Variants in CATSPER3 observed in about 807,000 individuals in gnomAD.
CATSPER3 encodes the protein cation channel sperm associated 3.
A neutral mutation model predicts 36.6 loss-of-function variants in CATSPER3; 23 were observed. That is an observed-to-expected ratio of 0.63 (90% CI 0.45 to 0.89). CATSPER3 has a LOEUF of 0.89. Among genes scored for constraint, CATSPER3 ranks in the 40% least tolerant of loss-of-function variants. The pLI is 0.00. For missense variants in CATSPER3, 474 were observed against 503.9 expected (o/e 0.94, Z 0.57); for synonymous variants, 172 against 184.1 (o/e 0.93, Z 0.53).
intron 2 of CATSPER3, among the ~76,000 whole-genome samples, chr5:134,977,675 C>G (rs563524896): frequency 6.6e-6 from 1 of 152,272 alleles, no homozygotes; most frequent in Admixed American, 6.5e-5. Flanking sequence ...TTTTCAGGTA[C>G]CTTTATATCG....
chr5:135,009,427 G>T lies in CATSPER3; in HGVS notation c.873G>T (p.Met291Ile). 1 of 1,612,786 alleles carries T rather than the reference G, an allele frequency of 6.2e-7. No individual in the cohort carries two copies. The highest frequency in any genetic ancestry group is 8.5e-7 in the Non-Finnish European group (1 of 1,179,050). ...ELMLEQQEMLMGEKQVILQRQ... is the reference protein window; with the variant it reads ...ELMLEQQEMLIGEKQVILQRQ... ...TGTTGGAGCAGCAGGAGATGCTCAT[G>T]GGAGAGAAGCAGGTGATTCTGCAGC... is the stretch of plus-strand genomic sequence containing the variant. The change falls in exon 6 of 8, where the codon ATG becomes ATT. Residue 291 changes from methionine to isoleucine, a missense_variant. By Grantham distance (10) the Met-to-Ile change is conservative. Transcript: ENST00000282611.
intron 1 of CATSPER3, chr5:134,968,750 T>C (rs570059407): frequency 7.0e-4 from 107 of 151,824 alleles, no homozygotes; most frequent in African/African-American, 2.4e-3. Flanking sequence ...TTTTAACTTA[T>C]GAGAATGTGT....
At chr5:135,007,877 C>G in intron 3 of CATSPER3, 80 bp from the exon 4 acceptor site, 1 of 963,604 alleles carries the variant, frequency 1.0e-6, no homozygotes. Context: ...CAGCTGTGAA[C>G]TGGGCAGAAT....
chr5:135,009,388 T>G lies in CATSPER3; in HGVS notation c.834T>G (p.Phe278Leu), dbSNP rs1752147923. 6.2e-7 allele frequency: 1 copy of G among 1,613,484 alleles called. No homozygotes were observed. The highest frequency in any genetic ancestry group is 1.7e-5 in the Admixed American group (1 of 60,010). Residue 278 changes from phenylalanine to leucine, a missense_variant, in exon 6 of 8, where the codon TTT becomes TTG. Coordinates refer to ENST00000282611, the MANE Select transcript of CATSPER3 (RefSeq NM_178019.3). ...IMHTEDSIRK[F>L]ERELMLEQQE... is the part of the protein sequence containing the mutation. ...CTCTCTAGGACTCCATCAGAAAGTTTGAGCGAGAGCTGATGTTGGAGCAGC... is the reference window on the plus strand; with the variant it reads ...CTCTCTAGGACTCCATCAGAAAGTTGGAGCGAGAGCTGATGTTGGAGCAGC...
intron 3 of CATSPER3, among the ~76,000 whole-genome samples, chr5:135,001,650 A>G (rs1352157209): frequency 3.9e-5 from 6 of 152,156 alleles, no homozygotes; most frequent in Non-Finnish European, 8.8e-5. Flanking sequence ...GTGCTCCTGT[A>G]TTGGGTGCAT....
At chr5:134,983,847 A>AG (rs1009793168) in intron 2 of CATSPER3, among the ~76,000 whole-genome samples, 41 of 152,242 alleles carry the variant, frequency 2.7e-4, no homozygotes, top group African/African-American at 9.4e-4. Flanking sequence ...CTAAGCAAAA[A>AG]GAAAAAGTCT....
At chr5:135,005,117 G>A (rs1262005241) in intron 3 of CATSPER3, among the ~76,000 whole-genome samples, 1 of 152,144 alleles carries the variant, frequency 6.6e-6, no homozygotes, top group Non-Finnish European at 1.5e-5. Flanking sequence ...TGGAAGAAAG[G>A]GGCATTGACC....
At chr5:135,011,104 C>A (rs1423308938) in intron 7 of CATSPER3, among the ~76,000 whole-genome samples, 2 of 152,142 alleles carry the variant, frequency 1.3e-5, no homozygotes, top group Non-Finnish European at 2.9e-5. Flanking sequence ...GGGCTGTGGG[C>A]ACTAGGGAGC....
In CATSPER3 at chr5:134,996,629, T is replaced by C; in HGVS notation, c.492+117T>C. On this transcript the variant is annotated intron_variant, in intron 3 of 7. Transcript: ENST00000282611. Reference sequence around the variant, plus strand: ...TCTTCCAGTTGTTGAGTCCAACGTGTGTGGCAGGTTGATCTTTACCAATAT... The same window carrying C: ...TCTTCCAGTTGTTGAGTCCAACGTGCGTGGCAGGTTGATCTTTACCAATAT... 6 of 912,050 alleles carry C rather than the reference T, an allele frequency of 6.6e-6. No individual in the cohort carries two copies. In the South Asian group the frequency reaches 9.0e-5, roughly 14 times the overall value. The allele number at this position is 912,050 out of a possible 1,614,324, so 56.5% of individuals were successfully genotyped here.
In CATSPER3 at chr5:135,008,854, C is replaced by T. The variant is rs1405815147; in HGVS notation, c.689C>T (p.Thr230Ile). The T allele has an allele frequency of 6.2e-7, 1 of 1,614,100 alleles. No homozygotes were observed. The highest frequency in any genetic ancestry group is 2.2e-5 in the East Asian group (1 of 44,882). The change falls in exon 5 of 8, where the codon ACA becomes ATA. Residue 230 changes from threonine to isoleucine, a missense_variant. Coordinates refer to ENST00000282611, the MANE Select transcript of CATSPER3 (RefSeq NM_178019.3). ...CTGCCTGAGCAGGTTGATGGCTGGACAGACCTGCAGAAGCAGTTGGACAAT... is the reference window on the plus strand; with the variant it reads ...CTGCCTGAGCAGGTTGATGGCTGGATAGACCTGCAGAAGCAGTTGGACAAT... ...LFSLATVDGW[T>I]DLQKQLDNRE...
At chr5:134,983,259 T>C (rs904871881) in intron 2 of CATSPER3, among the ~76,000 whole-genome samples, 4 of 152,218 alleles carry the variant, frequency 2.6e-5, no homozygotes, top group Non-Finnish European at 5.9e-5. Flanking sequence ...AAGGCAGAGA[T>C]GAACAGATTT....
At chr5:134,991,988 G>A (rs1382369868) in intron 2 of CATSPER3, among the ~76,000 whole-genome samples, 1 of 152,096 alleles carries the variant, frequency 6.6e-6, no homozygotes, top group East Asian at 1.9e-4. Flanking sequence ...CAGGTGTGGT[G>A]GCATGTGCCT....
chr5:134,969,830 A>G (rs1751579640), intron 1 of CATSPER3, 109 bp from the exon 2 acceptor site: 15 of 1,111,222 alleles, frequency 1.3e-5, no homozygotes, highest in Admixed American at 6.8e-5. Context: ...GTAAATTTAT[A>G]TTCACACAAG....
rs7714755 is a variant in CATSPER3, at chr5:134,996,921, C to G, written c.492+409C>G. ...CAGGCCACTAGCTGCTTTCCCCAAA[C>G]AGCTGAGTCTGCTCTCTTGCTGGAA... On this transcript the variant is annotated intron_variant, in intron 3 of 7. Coordinates refer to ENST00000282611, the MANE Select transcript of CATSPER3 (RefSeq NM_178019.3). Among the ~76,000 whole-genome samples the G allele has an allele frequency of 6.8e-3, 1,041 of 152,360 alleles. 8 individuals are homozygous for G. The highest frequency in any genetic ancestry group is 0.024 in the African/African-American group (988 of 41,570).
At chr5:135,008,321 C>T (rs1271851498) in intron 4 of CATSPER3, among the ~76,000 whole-genome samples, 182 bp downstream of exon 4, 4 of 152,164 alleles carry the variant, frequency 2.6e-5, no homozygotes, top group East Asian at 3.9e-4. Flanking sequence ...GGGGCTCCAT[C>T]GCTGTCTCTA....
At chr5:135,007,002 T>C (rs1376584334) in intron 3 of CATSPER3, among the ~76,000 whole-genome samples, 1 of 152,104 alleles carries the variant, frequency 6.6e-6, no homozygotes, top group Non-Finnish European at 1.5e-5. Flanking sequence ...AGCCCAGGGC[T>C]CTTGGACTGC....
intron 2 of CATSPER3, among the ~76,000 whole-genome samples, chr5:134,981,028 C>G (rs1317750167): frequency 6.6e-6 from 1 of 152,188 alleles, no homozygotes; most frequent in Non-Finnish European, 1.5e-5. Flanking sequence ...CTTTCTCTCT[C>G]TCTCTTGCTC....
intron 2 of CATSPER3, among the ~76,000 whole-genome samples, chr5:134,988,635 G>A (rs898437562): frequency 6.6e-6 from 1 of 152,178 alleles, no homozygotes; most frequent in African/African-American, 2.4e-5. Flanking sequence ...TCATGAGATT[G>A]CAGCAGTTTA....
chr5:134,998,288 A>G (rs1751977119), intron 3 of CATSPER3, among the ~76,000 whole-genome samples: 2 of 152,180 alleles, frequency 1.3e-5, no homozygotes, highest in South Asian at 4.1e-4. Flanking sequence ...CGTGGTGTAT[A>G]TGTGCCACAT....
Sources: gnomAD v4.1 joint callset for allele counts (sites outside exome capture counted in the v4.1 genomes callset) on GRCh38, gnomAD v4.1.1 for gene constraint, MANE v1.5 for transcripts, NCBI Gene and HGNC (gene_info 2026-07-23, HGNC 2026-07-21) for gene names.